Variants in NCOA6 observed in about 807,000 individuals in gnomAD.
NCOA6 encodes the protein nuclear receptor coactivator 6.
Under a neutral mutation model 171.4 loss-of-function variants are expected in NCOA6, and 49 were observed. That is an observed-to-expected ratio of 0.29 (90% confidence interval 0.23 to 0.36). The LOEUF is 0.36. Among genes scored for constraint, NCOA6 ranks in the 10% least tolerant of loss-of-function variants. The probability of loss-of-function intolerance (pLI) is 1.00; values close to 1 mark genes in which losing one functional copy is unlikely to be tolerated. For synonymous variants in NCOA6, 910 were observed against 927.5 expected, an observed-to-expected ratio of 0.98 and a Z score of 0.34; for missense variants, 2,248 against 2,554.5, an observed-to-expected ratio of 0.88 and a Z score of 2.59.
intron 14 of NCOA6, among the ~76,000 whole-genome samples, chr20:34,718,445 A>G (rs2146896174): frequency 6.7e-6 from 1 of 148,708 alleles, no homozygotes; most frequent in Middle Eastern, 3.6e-3. Flanking sequence ...CCAAAATGTT[A>G]CCACTTTTAC....
At chr20:34,794,504 CA>C (rs1216597097) in intron 1 of NCOA6, among the ~76,000 whole-genome samples, 2 of 146,982 alleles carry the variant, frequency 1.4e-5, no homozygotes, top group African/African-American at 2.5e-5. Context: ...AAATGAAATG[CA>C]AAAAAAAAGA....
chr20:34,727,138 A>G lies in NCOA6; in HGVS notation c.6148+121T>C, dbSNP rs908534776. The stretch of plus-strand genomic sequence containing the variant: ...AAGGACCAAACAGGTAGTAGAAGAC[A>G]AAGACACTTGACAGACTTCAGGAAC... On this transcript the variant is annotated intron_variant, in intron 14 of 14. Coordinates refer to ENST00000359003, the MANE Select transcript of NCOA6 (RefSeq NM_014071.5). The G allele has an allele frequency of 1.1e-5, 13 of 1,228,868 alleles. No individual in the cohort carries two copies. The African/African-American group carries it at 1.7e-4, about 16-fold the overall frequency. 76.1% of individuals were successfully genotyped at this position (1,228,868 alleles called of 1,614,324 possible). A position where few individuals can be genotyped will look rare whatever the true frequency, so the allele number is the denominator to read the frequency against.
intron 10 of NCOA6, among the ~76,000 whole-genome samples, chr20:34,745,702 C>A (rs1245752339): frequency 2.0e-5 from 3 of 152,138 alleles, no homozygotes; most frequent in Admixed American, 6.5e-5. Context: ...ACCCTCTGTA[C>A]ACACAGGGGA....
intron 7 of NCOA6, among the ~76,000 whole-genome samples, chr20:34,755,476 C>T (rs1008922603): frequency 1.3e-5 from 2 of 152,152 alleles, no homozygotes; most frequent in South Asian, 2.1e-4. Flanking sequence ...ATGCTTTCCC[C>T]TCATAAGGTT....
intron 3 of NCOA6, 109 bp from the exon 4 acceptor site, chr20:34,776,557 G>T: frequency 8.0e-7 from 1 of 1,252,474 alleles, no homozygotes; most frequent in Non-Finnish European, 1.1e-6. Context: ...GCACCAGCTT[G>T]GAATAGCTAA....
intron 5 of NCOA6, among the ~76,000 whole-genome samples, chr20:34,765,412 C>A (rs559224698): frequency 1.3e-5 from 2 of 148,764 alleles, no homozygotes; most frequent in African/African-American, 5.0e-5. Context: ...TGCATTCCAG[C>A]CTAGGCGACA....
At chr20:34,754,982 C>G in intron 7 of NCOA6, 114 bp from the exon 8 acceptor site, 1 of 996,856 alleles carries the variant, frequency 1.0e-6, no homozygotes. Context: ...TTAGCTCTCT[C>G]TGTCACACTG....
chr20:34,793,053 G>A (rs146892507), intron 1 of NCOA6, among the ~76,000 whole-genome samples: 2 of 152,032 alleles, frequency 1.3e-5, no homozygotes, highest in Non-Finnish European at 2.9e-5. Flanking sequence ...AAAGTGCTGA[G>A]ATTACAAGCA....
rs1414324060 is a variant in NCOA6 at position 34,742,227 on chromosome 20, G to A, written c.4029C>T (p.Ser1343=). 1 of 1,614,224 alleles carries A rather than the reference G, an allele frequency of 6.2e-7. No homozygotes were observed. The highest frequency in any genetic ancestry group is 8.5e-7 in the Non-Finnish European group (1 of 1,180,042). The change falls in exon 11 of 15, where the codon AGC becomes AGT. Residue 1343 remains serine (S), a synonymous_variant. Transcript: ENST00000359003. ...SPGSSRKTTP[S]PGRQNSKAPK... The stretch of plus-strand genomic sequence containing the variant: ...GGGCTTTTGAATTTTGCCTCCCAGG[G>A]CTTGGAGTGGTTTTCCTACTGGACC...
At chr20:34,794,665 G>A (rs2078006974) in intron 1 of NCOA6, among the ~76,000 whole-genome samples, 1 of 152,026 alleles carries the variant, frequency 6.6e-6, no homozygotes. Flanking sequence ...ATACATGCTA[G>A]TGCTAAAATA....
intron 1 of NCOA6, among the ~76,000 whole-genome samples, chr20:34,803,376 G>A (rs926427745): frequency 6.6e-6 from 1 of 151,138 alleles, no homozygotes; most frequent in Non-Finnish European, 1.5e-5. Context: ...ACTGAGGCAG[G>A]AGAATCACAT....
intron 1 of NCOA6, chr20:34,821,002 C>A (rs895470151): frequency 6.6e-6 from 1 of 152,210 alleles, no homozygotes; most frequent in African/African-American, 2.4e-5. Context: ...CCATCACTGA[C>A]TGATATAAAT....
chr20:34,776,847 A>C, intron 3 of NCOA6: 1 of 445,702 alleles, frequency 2.2e-6, no homozygotes, highest in Admixed American at 2.6e-5. Flanking sequence ...AATTAATAGA[A>C]TAGGCTCATG....
Position 34,736,687 on chromosome 20 carries a change from T to G in NCOA6, c.5962+3A>C, listed in dbSNP as rs1325702119. The G allele has an allele frequency of 6.2e-7, 1 of 1,603,790 alleles. No individual in the cohort carries two copies. Among genetic ancestry groups the G allele is most frequent in the Non-Finnish European group, 8.5e-7 (1 of 1,175,270 alleles). Reference sequence around the variant, plus strand: ...CAAGAAGTTTTTCCAAAGTACGCCTTACCTGGTCTGGCAACAGAGGCCTGC... The same window carrying G: ...CAAGAAGTTTTTCCAAAGTACGCCTGACCTGGTCTGGCAACAGAGGCCTGC... On this transcript the variant is annotated splice_donor_region_variant and intron_variant, in intron 12 of 14. Coordinates refer to ENST00000359003, the MANE Select transcript of NCOA6 (RefSeq NM_014071.5).
At chr20:34,734,469 T>C (rs1201568279) in intron 12 of NCOA6, among the ~76,000 whole-genome samples, 1 of 152,160 alleles carries the variant, frequency 6.6e-6, no homozygotes, top group Non-Finnish European at 1.5e-5. Flanking sequence ...GTGATCCTCC[T>C]ACCTCAGCCT....
chr20:34,748,786 C>A (rs1289701233), intron 9 of NCOA6, among the ~76,000 whole-genome samples: 3 of 152,116 alleles, frequency 2.0e-5, no homozygotes, highest in Non-Finnish European at 4.4e-5. Context: ...TGATAAAGAG[C>A]CTTTAAAGGA....
rs757947385 is a variant in NCOA6 at position 34,757,482 on chromosome 20, G to T, written c.1266C>A (p.His422Gln). 2 of 1,613,930 alleles carry T rather than the reference G, an allele frequency of 1.2e-6. No individual in the cohort carries two copies. Among genetic ancestry groups the T allele is most frequent in the Non-Finnish European group, 1.7e-6 (2 of 1,179,880 alleles). Reference protein sequence around the residue: ...SRVPTPLQQPHLTNKSPASSP... With the variant: ...SRVPTPLQQPQLTNKSPASSP... Reference sequence around the variant, plus strand: ...AGGAGGCAGGAGACTTGTTGGTGAGGTGGGGCTGCTGCAAGGGAGTTGGGA... The same window carrying T: ...AGGAGGCAGGAGACTTGTTGGTGAGTTGGGGCTGCTGCAAGGGAGTTGGGA... Residue 422 changes from histidine to glutamine, a missense_variant, in exon 7 of 15, where the codon CAC becomes CAA. Around this residue, in one of 7 missense-constraint regions of NCOA6, gnomAD observed 987 missense variants for 1,104.7 expected, o/e 0.89. Coordinates refer to ENST00000359003, the MANE Select transcript of NCOA6 (RefSeq NM_014071.5).
chr20:34,742,328 C>A lies in NCOA6; in HGVS notation c.3928G>T (p.Val1310Leu), dbSNP rs755957896. 9 of 1,614,216 alleles carry A rather than the reference C, an allele frequency of 5.6e-6. No homozygotes were observed. The highest frequency in any genetic ancestry group is 3.4e-6 in the Non-Finnish European group (4 of 1,180,034). The change falls in exon 11 of 15, where the codon GTG becomes TTG. Residue 1310 changes from valine to leucine, a missense_variant. By Grantham distance (32) the Val-to-Leu change is conservative (BLOSUM62 1). Coordinates refer to ENST00000359003, the MANE Select transcript of NCOA6 (RefSeq NM_014071.5). ...PQTHKLDSVV[V>L]NSGKQSNSGA... ...GAATTAGACTGCTTTCCAGAATTCA[C>A]TACCACAGAATCTAATTTGTGAGTT...
Position 34,782,265 on chromosome 20 carries a change from C to T in NCOA6, c.91G>A (p.Gly31Arg). ...CTTTTTGTGTCATCATCTTCTAGTC[C>T]AGAGTCAAAATCCATCTCTGAGTCT... ...MEDSEMDFDS[G>R]LEDDDTKSDS... Residue 31 changes from glycine (G) to arginine (R), a missense_variant, in exon 3 of 15, where the codon GGA becomes AGA. Physicochemically the swap from Gly to Arg is moderately radical, Grantham distance 125. Around this residue, in one of 7 missense-constraint regions of NCOA6, gnomAD observed 987 missense variants for 1,104.7 expected, o/e 0.89. Coordinates refer to ENST00000359003, the MANE Select transcript of NCOA6 (RefSeq NM_014071.5). 6.2e-7 allele frequency: 1 copy of T among 1,612,794 alleles called. No individual in the cohort carries two copies. The highest frequency in any genetic ancestry group is 8.5e-7 in the Non-Finnish European group (1 of 1,179,454).
Sources: gnomAD v4.1 joint callset for allele counts (sites outside exome capture counted in the v4.1 genomes callset) on GRCh38, gnomAD v4.1.1 for gene constraint, gnomAD v4.1.1 regional missense constraint, MANE v1.5 for transcripts, NCBI Gene and HGNC (gene_info 2026-07-23, HGNC 2026-07-21) for gene names.